Variants in PGM1 observed in about 807,000 individuals in gnomAD.
PGM1 encodes phosphoglucomutase-1.
Under a neutral mutation model 55.6 loss-of-function variants are expected in PGM1, and 52 were observed. That is an observed-to-expected ratio of 0.94 (90% CI 0.75 to 1.18). PGM1 has a LOEUF of 1.18. Ranked by LOEUF, PGM1 falls within the 50% of genes most tolerant of loss-of-function variation. The pLI, the probability that PGM1 is intolerant of heterozygous loss-of-function variation, is 0.00. For synonymous variants in PGM1, 287 were observed against 271.7 expected (o/e 1.06, Z -0.55); for missense variants, 724 against 729.3 (o/e 0.99, Z 0.08).
chr1:63,650,008 G>A (rs372549372), intron 8 of PGM1, among the ~76,000 whole-genome samples: 49 of 152,318 alleles, frequency 3.2e-4, no homozygotes, highest in Middle Eastern at 3.4e-3. Context: ...GTTAGGAGGG[G>A]TTGTTCAGAG....
rs760894601 is a variant in PGM1, at chr1:63,593,519, G to A, written c.31G>A (p.Ala11Thr). Residue 11 changes from alanine to threonine, a missense_variant, in exon 1 of 11, where the codon GCG becomes ACG. Ala to Thr is a moderately conservative substitution (Grantham distance 58). Transcript: ENST00000371084. MVKIVTVKTQ[A>T]YQDQKPGTSG... ...GAAGATCGTGACAGTTAAGACCCAG[G>A]CGTACCAGGACCAGAAGCCGGGCAC... The A allele has an allele frequency of 1.7e-5, 27 of 1,613,732 alleles. No homozygotes were observed. The highest frequency in any genetic ancestry group is 1.9e-5 in the Non-Finnish European group (23 of 1,179,930).
rs768702026 is a variant in PGM1 at position 63,648,491 on chromosome 1, A to G, written c.1145-26A>G. 7 of 1,613,812 alleles carry G rather than the reference A, an allele frequency of 4.3e-6. No homozygotes were observed. The Admixed American group carries it at 1.2e-4, about 27-fold the overall frequency. Reference sequence around the variant, plus strand: ...GGTACTGGGAGAAAGCACGTTTCTTACAGCAGCTTGCTGTCCCCCCTCCAG... The same window carrying G: ...GGTACTGGGAGAAAGCACGTTTCTTGCAGCAGCTTGCTGTCCCCCCTCCAG... On this transcript the variant is annotated intron_variant, in intron 7 of 10. Coordinates refer to ENST00000371084, the MANE Select transcript of PGM1 (RefSeq NM_002633.3).
At chr1:63,611,103 A>G (rs1648552557) in intron 1 of PGM1, among the ~76,000 whole-genome samples, 1 of 152,182 alleles carries the variant, frequency 6.6e-6, no homozygotes, top group Non-Finnish European at 1.5e-5. Context: ...TGGGGCATGC[A>G]GTAGTGCATA....
chr1:63,599,727 G>T (rs890142830), intron 1 of PGM1, among the ~76,000 whole-genome samples: 3 of 152,128 alleles, frequency 2.0e-5, no homozygotes, highest in Admixed American at 2.0e-4. Flanking sequence ...TGAGGTCAAG[G>T]CTTCAGTGAG....
At chr1:63,630,512 G>C (rs1423195370) in intron 3 of PGM1, among the ~76,000 whole-genome samples, 4 of 152,206 alleles carry the variant, frequency 2.6e-5, no homozygotes, top group African/African-American at 9.6e-5. Context: ...GGCTGAGAGA[G>C]ATTAAGTAAC....
Position 63,629,430 on chromosome 1 carries a change from T to C in PGM1, c.252T>C (p.Gly84=). 6.2e-7 allele frequency: 1 copy of C among 1,613,392 alleles called. No individual in the cohort carries two copies. The highest frequency in any genetic ancestry group is 8.5e-7 in the Non-Finnish European group (1 of 1,179,402). ...IARIAAANGI[G]RLVIGQNGIL... ...TTCTGGATTTCTTCTCCTAGATCGG[T>C]CGCTTGGTTATCGGACAGAATGGAA... The change falls in exon 2 of 11, where the codon GGT becomes GGC. Residue 84 remains glycine (G), a synonymous_variant. Coordinates refer to ENST00000371084, the MANE Select transcript of PGM1 (RefSeq NM_002633.3).
chr1:63,628,262 C>T (rs938668322), intron 1 of PGM1, among the ~76,000 whole-genome samples: 1 of 152,128 alleles, frequency 6.6e-6, no homozygotes, highest in African/African-American at 2.4e-5. Context: ...GTTACCATTT[C>T]CTGGGGAAGG....
chr1:63,638,816 G>A lies in PGM1; in HGVS notation c.1144+16G>A, dbSNP rs755514698. 7 of 1,552,670 alleles carry A rather than the reference G, an allele frequency of 4.5e-6. No homozygotes were observed. The highest frequency in any genetic ancestry group is 2.7e-5 in the African/African-American group (2 of 73,816). Reference sequence around the variant, plus strand: ...TTCGGGACCGGTAAGTCACACTCCTGTGCTAGCATTTTCCTCCCTGTAACC... The same window carrying A: ...TTCGGGACCGGTAAGTCACACTCCTATGCTAGCATTTTCCTCCCTGTAACC... On this transcript the variant is annotated intron_variant, in intron 7 of 10. Transcript: ENST00000371084.
At position 63,659,786 on chromosome 1, in the gene PGM1, T is replaced by G; in HGVS notation, c.*111T>G. 1 of 817,066 alleles carries G rather than the reference T, an allele frequency of 1.2e-6. No individual in the cohort carries two copies. Among genetic ancestry groups the G allele is most frequent in the East Asian group, 2.6e-5 (1 of 38,334 alleles). The allele number at this position is 817,066 out of a possible 1,614,324, so 50.6% of individuals were successfully genotyped here. On this transcript the variant is annotated 3_prime_UTR_variant, in exon 11 of 11. Coordinates refer to ENST00000371084, the MANE Select transcript of PGM1 (RefSeq NM_002633.3). The stretch of plus-strand genomic sequence containing the variant: ...TTCACCAAGCATTTTAGGATTTGAC[T>G]TTTTCACTAACCAGTTGACGAGCAG...
intron 9 of PGM1, among the ~76,000 whole-genome samples, chr1:63,653,434 G>T (rs1205146951): frequency 6.6e-6 from 1 of 152,198 alleles, no homozygotes; most frequent in Non-Finnish European, 1.5e-5. Context: ...TCACTAATCA[G>T]TGCTAATGAA....
chr1:63,629,596 G>A lies in PGM1; in HGVS notation c.409+9G>A, dbSNP rs751034984. 1 of 1,613,020 alleles carries A rather than the reference G, an allele frequency of 6.2e-7. No individual in the cohort carries two copies. The highest frequency in any genetic ancestry group is 8.5e-7 in the Non-Finnish European group (1 of 1,179,308). On this transcript the variant is annotated intron_variant, in intron 2 of 10. Coordinates refer to ENST00000371084, the MANE Select transcript of PGM1 (RefSeq NM_002633.3). ...CAATATTTCTAATGGAGGTGAGTTT[G>A]CTGTCATTTTGAGGACAGGTAAGTT...
At chr1:63,629,082 A>G (rs1034109844) in intron 1 of PGM1, among the ~76,000 whole-genome samples, 3 of 152,142 alleles carry the variant, frequency 2.0e-5, no homozygotes, top group African/African-American at 7.2e-5. Flanking sequence ...GGGTTTTCTC[A>G]TATTCTTTCA....
chr1:63,594,112 C>T lies in PGM1; in HGVS notation c.246+378C>T, dbSNP rs1647963123. ...CTTGCAGCCTTGGAAGATACGATTA[C>T]GGCGCAGAGTGCTGTCGCCTTAAGC... is the stretch of plus-strand genomic sequence containing the variant. On this transcript the variant is annotated intron_variant, in intron 1 of 10. Transcript: ENST00000371084. 4.9e-6 allele frequency: 5 copies of T among 1,012,240 alleles called. No homozygotes were observed. The African/African-American group carries it at 5.2e-5, about 11-fold the overall frequency. 62.7% of individuals were successfully genotyped at this position (1,012,240 alleles called of 1,614,324 possible).
chr1:63,615,559 T>TC (rs1648689614), intron 1 of PGM1, among the ~76,000 whole-genome samples: 31 of 119,728 alleles, frequency 2.6e-4, no homozygotes, highest in Admixed American at 2.4e-3. Context: ...TCTTTTTTTT[T>TC]TTTTTTTTTT....
chr1:63,640,525 TATC>T (rs1649487295), intron 7 of PGM1, among the ~76,000 whole-genome samples: 1 of 152,196 alleles, frequency 6.6e-6, no homozygotes, highest in Non-Finnish European at 1.5e-5. Flanking sequence ...TATGATACAA[TATC>T]ATCACCACAA....
intron 1 of PGM1, 181 bp downstream of exon 1, chr1:63,593,915 G>T: frequency 8.0e-7 from 1 of 1,242,938 alleles, no homozygotes; most frequent in Non-Finnish European, 1.0e-6. Context: ...GGAGGTCGCC[G>T]GGCTGGGGAA....
At chr1:63,623,854 T>A in intron 1 of PGM1, 3 of 780,910 alleles carry the variant, frequency 3.8e-6, no homozygotes, top group Non-Finnish European at 4.0e-6. Flanking sequence ...ATATGTGGTA[T>A]ACACTTCAAT....
Position 63,636,274 on chromosome 1 carries a change from A to AC in PGM1, c.917dup (p.Ser307PhefsTer40), listed in dbSNP as rs780670739. 3 of 1,614,074 alleles carry AC rather than the reference A, an allele frequency of 1.9e-6. No individual in the cohort carries two copies. In the South Asian group the frequency reaches 3.3e-5, roughly 18 times the overall value. ...CTGGGCAAGCATGGGTTCTTTGTGA[A>AC]CCCTTCAGACTCTGTGGCTGTCATT... On this transcript the variant is annotated frameshift_variant, in exon 6 of 11. Coordinates refer to ENST00000371084, the MANE Select transcript of PGM1 (RefSeq NM_002633.3). LOFTEE classifies it high-confidence loss of function.
chr1:63,601,443 C>G (rs1466339317), intron 1 of PGM1, among the ~76,000 whole-genome samples: 1 of 152,190 alleles, frequency 6.6e-6, no homozygotes, highest in Non-Finnish European at 1.5e-5. Context: ...GTGAGCTACA[C>G]TTCTAAGAAA....
Sources: allele counts gnomAD v4.1 joint callset (sites outside exome capture counted in the v4.1 genomes callset), GRCh38; gene constraint gnomAD v4.1.1; transcripts MANE v1.5; gene names NCBI Gene and HGNC (gene_info 2026-07-23, HGNC 2026-07-21).